Variants in ACAN observed in about 807,000 individuals in gnomAD.
ACAN encodes the protein aggrecan core protein.
Under a neutral mutation model 169.1 loss-of-function variants are expected in ACAN, and 47 were observed. The ratio of observed to expected loss-of-function variants is 0.28; its 90% confidence interval spans 0.22 to 0.35. The LOEUF (loss-of-function observed/expected upper bound fraction) is 0.35, where lower values mean the gene tolerates loss of function less well. Among genes scored for constraint, ACAN ranks in the 10% least tolerant of loss-of-function variants. The pLI is 1.00. For missense variants in ACAN, 2,716 were observed against 2,759.9 expected (o/e 0.98, Z 0.36); for synonymous variants, 1,115 against 1,112.2 (o/e 1.00, Z -0.05).
chr15:88,814,823 G>C lies in ACAN; in HGVS notation c.-8+11014G>C, dbSNP rs1895899877. 6.6e-6 allele frequency among the ~76,000 whole-genome samples: 1 copy of C among 152,172 alleles called. No homozygotes were observed. The highest frequency in any genetic ancestry group is 6.5e-5 in the Admixed American group (1 of 15,284). ...ATGCTATCAGGAAGCTTGTGAGGCA[G>C]GAGGTGCTGGTGCAGGGCTGGGGGC... On this transcript the variant is annotated intron_variant, in intron 1 of 18. Coordinates refer to ENST00000560601, the MANE Select transcript of ACAN (RefSeq NM_001369268.1). The surrounding 1 kb of genome is among the most constrained non-coding windows in gnomAD (Gnocchi z 4.0).
In ACAN at chr15:88,843,793, T is replaced by C. The variant is rs1896727429; in HGVS notation, c.1051+145T>C. 5 of 1,024,856 alleles carry C rather than the reference T, an allele frequency of 4.9e-6. No individual in the cohort carries two copies. The South Asian group carries it at 7.7e-5, about 16-fold the overall frequency. The allele number at this position is 1,024,856 out of a possible 1,614,324, so 63.5% of individuals were successfully genotyped here. ...GAACCCCATGTTTTTAGGACACCCCTCCATTTTCACTGGTTCCTAGGAAGC... is the reference window on the plus strand; with the variant it reads ...GAACCCCATGTTTTTAGGACACCCCCCCATTTTCACTGGTTCCTAGGAAGC... On this transcript the variant is annotated intron_variant, in intron 6 of 18. Transcript: ENST00000560601. This position sits in a 1 kb window ranked among gnomAD's most constrained non-coding sequence, Gnocchi z 4.0.
chr15:88,817,320 T>A (rs1272344660), intron 1 of ACAN, among the ~76,000 whole-genome samples: 1 of 152,060 alleles, frequency 6.6e-6, no homozygotes, highest in Non-Finnish European at 1.5e-5. Context: ...TTTTTTGTAT[T>A]TTTAGTAGAG....
In ACAN at chr15:88,845,862, G is replaced by T. The variant is rs749892328; in HGVS notation, c.1409G>T (p.Gly470Val). The T allele has an allele frequency of 2.8e-5, 41 of 1,457,668 alleles. No individual in the cohort carries two copies. Among genetic ancestry groups the T allele is most frequent in the Non-Finnish European group, 3.7e-5 (41 of 1,101,118 alleles). The allele number at this position is 1,457,668 out of a possible 1,614,324, so 90.3% of individuals were successfully genotyped here. The change falls in exon 7 of 19, where the codon GGG becomes GTG. Residue 470 changes from glycine (G) to valine (V), a missense_variant. This residue lies in a region of ACAN where 1,283 missense variants were observed against 1,281.5 expected (regional missense o/e 1.00). Transcript: ENST00000560601. ...DLVVQVTAVP[G>V]QPHLPGGVVF... Reference sequence around the variant, plus strand: ...GTCGTGCAGGTGACCGCTGTCCCTGGGCAGCCGCATTTGCCAGGGGGTAAG... The same window carrying T: ...GTCGTGCAGGTGACCGCTGTCCCTGTGCAGCCGCATTTGCCAGGGGGTAAG...
rs543497679 is a variant in ACAN at position 88,873,845 on chromosome 15, C to T, written c.7451C>T (p.Ala2484Val). The T allele has an allele frequency of 8.0e-5, 129 of 1,613,700 alleles. No individual in the cohort carries two copies. The Admixed American group carries it at 2.1e-3, about 26-fold the overall frequency. The change falls in exon 18 of 19, where the codon GCC becomes GTC. Residue 2484 changes from alanine to valine, a missense_variant. Transcript: ENST00000560601. This position sits in a 1 kb window ranked among gnomAD's most constrained non-coding sequence, Gnocchi z 7.5. ...LPFTCKKGTV[A>V]CGEPPVVEHA... ...ATAAAGGGTGTTTGCCCCTCAGTGG[C>T]CTGCGGAGAGCCCCCTGTGGTGGAG...
rs778732470 is a variant in ACAN, at chr15:88,843,516, G to A, written c.919G>A (p.Val307Met). Residue 307 changes from valine (V) to methionine (M), a missense_variant, in exon 6 of 19, where the codon GTG becomes ATG. Val to Met is a conservative substitution (Grantham distance 21). Transcript: ENST00000560601. This position sits in a 1 kb window ranked among gnomAD's most constrained non-coding sequence, Gnocchi z 4.0. The stretch of plus-strand genomic sequence containing the variant: ...CGCCGGCTGGCTGGCCGACCGCAGC[G>A]TGCGCTACCCCATCTCCAAGGCCCG... ...CSAGWLADRSVRYPISKARPN... is the reference protein window; with the variant it reads ...CSAGWLADRSMRYPISKARPN... 7.4e-6 allele frequency: 12 copies of A among 1,612,578 alleles called. No homozygotes were observed. The highest frequency in any genetic ancestry group is 1.7e-5 in the Admixed American group (1 of 59,976).
chr15:88,859,972 C>A (rs1342743700), intron 12 of ACAN, among the ~76,000 whole-genome samples: 1 of 151,922 alleles, frequency 6.6e-6, no homozygotes, highest in East Asian at 1.9e-4. Flanking sequence ...ATCCCCAACC[C>A]CATCCGTGTA....
Position 88,803,445 on chromosome 15 carries a change from C to T in ACAN, c.-372C>T, listed in dbSNP as rs1356353576. 6.9e-6 allele frequency: 1 copy of T among 144,854 alleles called. No homozygotes were observed. The highest frequency in any genetic ancestry group is 2.1e-4 in the East Asian group (1 of 4,680). The allele number at this position is 144,854 out of a possible 1,614,324, so 9.0% of individuals were successfully genotyped here. On this transcript the variant is annotated 5_prime_UTR_variant, in exon 1 of 19. Transcript: ENST00000560601. Reference sequence around the variant, plus strand: ...CGCGCCATGCCCGCCCGCCCGCCCACCTACCTCCCCGCCGCTCCAGAGGGG... The same window carrying T: ...CGCGCCATGCCCGCCCGCCCGCCCATCTACCTCCCCGCCGCTCCAGAGGGG...
rs2141591875 is a variant in ACAN, at chr15:88,849,740, C to A, written c.2026+9C>A. On this transcript the variant is annotated intron_variant, in intron 10 of 18. Coordinates refer to ENST00000560601, the MANE Select transcript of ACAN (RefSeq NM_001369268.1). The surrounding 1 kb of genome is among the most constrained non-coding windows in gnomAD (Gnocchi z 5.1). Reference sequence around the variant, plus strand: ...TGCCTTCTGCTTCCGAGGTATGCAGCCTCACTTCGGCTCCAACAGCCCCTT... The same window carrying A: ...TGCCTTCTGCTTCCGAGGTATGCAGACTCACTTCGGCTCCAACAGCCCCTT... The A allele has an allele frequency of 2.5e-6, 4 of 1,613,016 alleles. No individual in the cohort carries two copies. Among genetic ancestry groups the A allele is most frequent in the Non-Finnish European group, 2.5e-6 (3 of 1,179,588 alleles).
chr15:88,854,263 G>A (rs1407404978), intron 11 of ACAN, among the ~76,000 whole-genome samples: 2 of 152,202 alleles, frequency 1.3e-5, no homozygotes, highest in Non-Finnish European at 2.9e-5. Flanking sequence ...CACAAGGAGG[G>A]CTTGCTAAAA....
At position 88,871,631 on chromosome 15, in the gene ACAN, G is replaced by T. The variant is rs935151078; in HGVS notation, c.7219+91G>T. 12 of 1,466,870 alleles carry T rather than the reference G, an allele frequency of 8.2e-6. No homozygotes were observed. The African/African-American group carries it at 1.3e-4, about 15-fold the overall frequency. The allele number at this position is 1,466,870 out of a possible 1,614,324, so 90.9% of individuals were successfully genotyped here. On this transcript the variant is annotated intron_variant, in intron 15 of 18. Transcript: ENST00000560601. The surrounding 1 kb of genome is among the most constrained non-coding windows in gnomAD (Gnocchi z 7.8). ...TCAGAAGGCAGCAGATTTGGGCCTC[G>T]TGAGACTGCAGGACAGGGACCTGGG...
intron 1 of ACAN, among the ~76,000 whole-genome samples, chr15:88,832,724 T>C (rs921376894): frequency 6.6e-6 from 1 of 152,248 alleles, no homozygotes; most frequent in Non-Finnish European, 1.5e-5. Flanking sequence ...TGCAGTTTTA[T>C]TATTTATGGA....
intron 1 of ACAN, among the ~76,000 whole-genome samples, chr15:88,825,514 T>C (rs773504344): frequency 5.9e-5 from 9 of 152,202 alleles, no homozygotes; most frequent in Non-Finnish European, 1.3e-4. Context: ...GTTCTTAAGA[T>C]ACCCACCTTC....
intron 13 of ACAN, among the ~76,000 whole-genome samples, chr15:88,860,934 C>T (rs1008061236): frequency 2.0e-5 from 3 of 152,134 alleles, no homozygotes; most frequent in Non-Finnish European, 2.9e-5. Flanking sequence ...ACGGTAATCA[C>T]CCAGCACAGG....
In ACAN at chr15:88,845,683, T is replaced by C. The variant is rs753336473; in HGVS notation, c.1230T>C (p.Ser410=). ...AGCCCATCTTCGAGGTCTCCCCCAG[T>C]CCCCTGGAACCCGAGGAGCCCTTCA... The part of the protein sequence containing the change: ...TVKPIFEVSP[S]PLEPEEPFTF... The change falls in exon 7 of 19, where the codon AGT becomes AGC. Residue 410 remains serine (S), a synonymous_variant. Transcript: ENST00000560601. 2 of 1,613,972 alleles carry C rather than the reference T, an allele frequency of 1.2e-6. No individual in the cohort carries two copies. The highest frequency in any genetic ancestry group is 1.7e-6 in the Non-Finnish European group (2 of 1,179,880).
In ACAN at chr15:88,866,777, A is replaced by C. The variant is rs1897286941; in HGVS notation, c.6947-1439A>C. ...AAACCGCCTTTACCATCTCATCAGAAGGTTGACTTTAAGGTCTGGTCTGCT... is the reference window on the plus strand; with the variant it reads ...AAACCGCCTTTACCATCTCATCAGACGGTTGACTTTAAGGTCTGGTCTGCT... On this transcript the variant is annotated intron_variant, in intron 13 of 18. Coordinates refer to ENST00000560601, the MANE Select transcript of ACAN (RefSeq NM_001369268.1). The surrounding 1 kb of genome is among the most constrained non-coding windows in gnomAD (Gnocchi z 5.6). Among the ~76,000 whole-genome samples the C allele has an allele frequency of 6.6e-6, 1 of 152,170 alleles. No homozygotes were observed. The highest frequency in any genetic ancestry group is 2.4e-5 in the African/African-American group (1 of 41,436).
intron 4 of ACAN, among the ~76,000 whole-genome samples, chr15:88,841,195 C>T (rs1166780838): frequency 1.3e-5 from 2 of 152,180 alleles, no homozygotes; most frequent in Non-Finnish European, 2.9e-5. Flanking sequence ...TTGGAAGCTG[C>T]GTGACTGTGG....
Position 88,807,544 on chromosome 15 carries a change from G to A in ACAN, c.-8+3735G>A, listed in dbSNP as rs990282434. ...GAGGGAGTCTGGGCCCCTGGACGCA[G>A]TTGAAGAAGGGCCACTGGGAGGCCG... On this transcript the variant is annotated intron_variant, in intron 1 of 18. Transcript: ENST00000560601. This position sits in a 1 kb window ranked among gnomAD's most constrained non-coding sequence, Gnocchi z 4.0. 6.6e-6 allele frequency among the ~76,000 whole-genome samples: 1 copy of A among 152,196 alleles called. No homozygotes were observed. The highest frequency in any genetic ancestry group is 1.5e-5 in the Non-Finnish European group (1 of 68,036).
At position 88,866,834 on chromosome 15, in the gene ACAN, A is replaced by G. The variant is rs1897287842; in HGVS notation, c.6947-1382A>G. On this transcript the variant is annotated intron_variant, in intron 13 of 18. Coordinates refer to ENST00000560601, the MANE Select transcript of ACAN (RefSeq NM_001369268.1). The surrounding 1 kb of genome is among the most constrained non-coding windows in gnomAD (Gnocchi z 5.6). ...GGAGGCAAGAACTAAGTCTTGGCAC[A>G]TGTTTAGGACTCTGAGATCCTATTC... Among the ~76,000 whole-genome samples, 1 of 152,182 alleles carries G rather than the reference A, an allele frequency of 6.6e-6. No individual in the cohort carries two copies. Among genetic ancestry groups the G allele is most frequent in the African/African-American group, 2.4e-5 (1 of 41,452 alleles).
In ACAN at chr15:88,849,581, T is replaced by C; in HGVS notation, c.1876T>C (p.Trp626Arg). 3 of 1,607,962 alleles carry C rather than the reference T, an allele frequency of 1.9e-6. No individual in the cohort carries two copies. Among genetic ancestry groups the C allele is most frequent in the Non-Finnish European group, 2.5e-6 (3 of 1,177,862 alleles). Residue 626 changes from tryptophan to arginine, a missense_variant, in exon 10 of 19, where the codon TGG (tryptophan) becomes CGG (arginine). By Grantham distance (101) the Trp-to-Arg change is moderately radical (BLOSUM62 -3). This residue lies in a region of ACAN where 1,283 missense variants were observed against 1,281.5 expected (regional missense o/e 1.00). Coordinates refer to ENST00000560601, the MANE Select transcript of ACAN (RefSeq NM_001369268.1). This position sits in a 1 kb window ranked among gnomAD's most constrained non-coding sequence, Gnocchi z 5.1. ...SRGLDKCYAGWLADGSLRYPI... is the reference protein window; with the variant it reads ...SRGLDKCYAGRLADGSLRYPI... ...CGGCCTGGACAAGTGCTATGCCGGCTGGCTGGCCGACGGCAGCCTCCGCTA... is the reference window on the plus strand; with the variant it reads ...CGGCCTGGACAAGTGCTATGCCGGCCGGCTGGCCGACGGCAGCCTCCGCTA...
Sources: gnomAD v4.1 joint callset for allele counts (sites outside exome capture counted in the v4.1 genomes callset) on GRCh38, gnomAD v4.1.1 for gene constraint, gnomAD v4.1.1 regional missense constraint, Gnocchi (gnomAD v3.1) non-coding constraint, MANE v1.5 for transcripts, NCBI Gene and HGNC (gene_info 2026-07-23, HGNC 2026-07-21) for gene names.